The following NDRG3 variants were observed in gnomAD, a reference collection of about 807,000 sequenced individuals.
The protein encoded by NDRG3 is protein NDRG3.
In NDRG3, 23 loss-of-function variants were observed where a neutral mutation model predicts 57.2. The observed-to-expected ratio is 0.40, with a 90% CI of 0.29 to 0.57. The LOEUF is 0.57. Ranked by LOEUF, NDRG3 falls within the 20% of genes least tolerant of loss-of-function variation. The probability of loss-of-function intolerance (pLI) is 0.42; values close to 1 mark genes in which losing one functional copy is unlikely to be tolerated. For synonymous variants in NDRG3, 132 were observed against 162.6 expected (o/e 0.81, Z 1.43); for missense variants, 384 against 457.3 (o/e 0.84, Z 1.46).
At chr20:36,675,958 C>T (rs561981698) in intron 8 of NDRG3, among the ~76,000 whole-genome samples, 3 of 152,168 alleles carry the variant, frequency 2.0e-5, no homozygotes, top group African/African-American at 4.8e-5. Flanking sequence ...ATGAGATTAA[C>T]GGCTGGGCGC....
chr20:36,668,756 A>T (rs1600864985), intron 9 of NDRG3: 1 of 151,348 alleles, frequency 6.6e-6, no homozygotes, highest in African/African-American at 2.4e-5. Flanking sequence ...TATATTTTTT[A>T]TATATATGTA....
At chr20:36,723,694 G>A (rs912670455) in intron 1 of NDRG3, among the ~76,000 whole-genome samples, 3 of 150,452 alleles carry the variant, frequency 2.0e-5, no homozygotes, top group African/African-American at 7.3e-5. Flanking sequence ...GTGTGTGTGT[G>A]TGTGTCTGGT....
intron 2 of NDRG3, among the ~76,000 whole-genome samples, chr20:36,720,055 C>T (rs906137963): frequency 2.7e-5 from 4 of 149,220 alleles, no homozygotes; most frequent in South Asian, 4.3e-4. Flanking sequence ...TGCAGTGAGC[C>T]GAGATTGTAC....
Position 36,682,545 on chromosome 20 carries a change from A to G in NDRG3, c.417T>C (p.Ala139=). Residue 139 remains alanine (A), a synonymous_variant, in exon 7 of 16, where the codon GCT becomes GCC. Coordinates refer to ENST00000349004, the MANE Select transcript of NDRG3 (RefSeq NM_032013.4). ...CAAATCTGCTGAGGATGTAAGCTCC[A>G]GCTCCAACTCCAATTCCAATGATGC... ...LKSIIGIGVG[A]GAYILSRFAL... 1 of 1,614,130 alleles carries G rather than the reference A, an allele frequency of 6.2e-7. No individual in the cohort carries two copies. Among genetic ancestry groups the G allele is most frequent in the Non-Finnish European group, 8.5e-7 (1 of 1,179,962 alleles).
rs1345912872 is a variant in NDRG3, at chr20:36,653,403, T to C, written c.*117A>G. 1 of 866,380 alleles carries C rather than the reference T, an allele frequency of 1.2e-6. No individual in the cohort carries two copies. Among genetic ancestry groups the C allele is most frequent in the Non-Finnish European group, 1.8e-6 (1 of 567,232 alleles). 53.7% of individuals were successfully genotyped at this position (866,380 alleles called of 1,614,324 possible). The stretch of plus-strand genomic sequence containing the variant: ...ATAAATCCAGGCTACTAGAGAGAGG[T>C]TCAGTGGCCATGCATGAGTTAAAGA... On this transcript the variant is annotated 3_prime_UTR_variant, in exon 16 of 16. Coordinates refer to ENST00000349004, the MANE Select transcript of NDRG3 (RefSeq NM_032013.4). The surrounding 1 kb of genome is among the most constrained non-coding windows in gnomAD (Gnocchi z 4.2).
rs564007185 is a variant in NDRG3, at chr20:36,656,550, T to C, written c.859-18A>G. The C allele has an allele frequency of 3.0e-5, 49 of 1,613,990 alleles. No homozygotes were observed. The highest frequency in any genetic ancestry group is 1.7e-4 in the Middle Eastern group (1 of 6,058). On this transcript the variant is annotated intron_variant, in intron 13 of 15. Coordinates refer to ENST00000349004, the MANE Select transcript of NDRG3 (RefSeq NM_032013.4). ...TCCGCCATCTAGAAAAGGAAAAATA[T>C]GCAAGTCAGCTGGGACTTACCCTTA...
intron 13 of NDRG3, among the ~76,000 whole-genome samples, chr20:36,658,746 C>T (rs909431371): frequency 1.3e-5 from 2 of 152,068 alleles, no homozygotes; most frequent in East Asian, 3.9e-4. Context: ...AAACTCTTGC[C>T]TCGGTTATAC....
intron 9 of NDRG3, among the ~76,000 whole-genome samples, chr20:36,667,349 T>G (rs7345372): frequency 6.6e-6 from 1 of 151,988 alleles, no homozygotes. Flanking sequence ...ACTATCATAA[T>G]GTACTGCAGC....
At chr20:36,712,572 TATATATATA>T (rs1358442799) in intron 2 of NDRG3, among the ~76,000 whole-genome samples, 27 of 17,910 alleles carry the variant, frequency 1.5e-3, no homozygotes, top group Non-Finnish European at 2.4e-3. Flanking sequence ...TATATATATA[TATATATATA>T]TATATATTTT....
chr20:36,716,253 G>C (rs370375787), intron 2 of NDRG3, among the ~76,000 whole-genome samples: 4 of 149,528 alleles, frequency 2.7e-5, no homozygotes, highest in East Asian at 4.1e-4. Flanking sequence ...TCACTTTCAG[G>C]TGGGTGCGGT....
In NDRG3 at chr20:36,721,769, A is replaced by G. The variant is rs750833797; in HGVS notation, c.-34T>C. ...ATAACGAGAGTAGAGGAATCTCAAG[A>G]ATAAATCAGTAACTCTGAAACAGAA... On this transcript the variant is annotated 5_prime_UTR_variant, in exon 2 of 16. Transcript: ENST00000349004. The G allele has an allele frequency of 2.1e-5, 31 of 1,469,930 alleles. No homozygotes were observed. Among genetic ancestry groups the G allele is most frequent in the Non-Finnish European group, 2.9e-5 (31 of 1,059,478 alleles). The allele number at this position is 1,469,930 out of a possible 1,614,324, so 91.1% of individuals were successfully genotyped here.
At chr20:36,666,011 T>G (rs1233511766) in intron 10 of NDRG3, among the ~76,000 whole-genome samples, 1 of 152,156 alleles carries the variant, frequency 6.6e-6, no homozygotes, top group Non-Finnish European at 1.5e-5. Context: ...CTTTCTGATT[T>G]CAACTAAAAA....
intron 1 of NDRG3, among the ~76,000 whole-genome samples, chr20:36,723,659 A>AATGTGTGTGTGTGT (rs74173994): frequency 9.0e-5 from 12 of 132,932 alleles, no homozygotes; most frequent in African/African-American, 3.4e-4. Flanking sequence ...ATATTAGTCT[A>AATGTGTGTGTGTGT]GTGTGTGTGT....
intron 1 of NDRG3, among the ~76,000 whole-genome samples, chr20:36,733,171 AATATATATAT>A (rs1555807708): frequency 0.01 from 335 of 33,182 alleles, 5 homozygotes; most frequent in African/African-American, 0.035. Context: ...AAAAAAAAAA[AATATATATAT>A]ATATATATAT....
intron 3 of NDRG3, among the ~76,000 whole-genome samples, chr20:36,703,848 C>T (rs564095203): frequency 1.3e-5 from 2 of 152,080 alleles, no homozygotes; most frequent in South Asian, 4.2e-4. Context: ...AGAATTTTTG[C>T]CAGACTATTT....
At chr20:36,686,654 G>A (rs1981807867) in intron 5 of NDRG3, among the ~76,000 whole-genome samples, 1 of 152,198 alleles carries the variant, frequency 6.6e-6, no homozygotes, top group Non-Finnish European at 1.5e-5. Flanking sequence ...GCCCTGCGAA[G>A]CAGATGTAGG....
chr20:36,654,263 A>G (rs6028602), intron 15 of NDRG3, among the ~76,000 whole-genome samples: 2,757 of 152,292 alleles, frequency 0.018, 82 homozygotes, highest in African/African-American at 0.062. Context: ...TGCCAGGGAC[A>G]GAGAAGCAGG....
intron 1 of NDRG3, among the ~76,000 whole-genome samples, chr20:36,743,500 A>G (rs999202023): frequency 6.9e-6 from 1 of 145,904 alleles, no homozygotes; most frequent in East Asian, 2.1e-4. Flanking sequence ...GTCTCAAAAA[A>G]TAATAATAAT....
At chr20:36,670,438 T>C (rs1980046666) in intron 9 of NDRG3, among the ~76,000 whole-genome samples, 1 of 152,194 alleles carries the variant, frequency 6.6e-6, no homozygotes, top group African/African-American at 2.4e-5. Context: ...TTTGTAACTT[T>C]GATAAAAATA....
Sources: gnomAD v4.1 joint callset for allele counts (sites outside exome capture counted in the v4.1 genomes callset) on GRCh38, gnomAD v4.1.1 for gene constraint, Gnocchi (gnomAD v3.1) non-coding constraint, MANE v1.5 for transcripts, NCBI Gene and HGNC (gene_info 2026-07-23, HGNC 2026-07-21) for gene names.